CCDC178: variants seen among roughly 807,000 people sequenced by gnomAD.
CCDC178 encodes the protein coiled-coil domain containing 178, also known as coiled-coil domain-containing protein 178.
In CCDC178, 126 loss-of-function variants were observed where a neutral mutation model predicts 117.4. That is an observed-to-expected ratio of 1.07 (90% CI 0.93 to 1.24). The LOEUF (loss-of-function observed/expected upper bound fraction) is 1.24, where lower values mean the gene tolerates loss of function less well. Among genes scored for constraint, CCDC178 ranks in the 50% most tolerant of loss-of-function variants. The pLI is 0.00. For synonymous variants in CCDC178, 283 were observed against 313.4 expected (o/e 0.90, Z 1.02); for missense variants, 1,030 against 986.9 (o/e 1.04, Z -0.59).
rs146926397 is a variant in CCDC178, at chr18:33,063,812, C to G, written c.2388+28949G>C. Among the ~76,000 whole-genome samples the G allele has an allele frequency of 1.2e-3, 184 of 152,306 alleles. 5 individuals carry two copies. The East Asian group carries it at 0.032, about 27-fold the overall frequency. ...TGGCATGCCTGGCCCACCACCACCA[C>G]CACTTGTGCCAGAGAACCAGCTTGC... is the stretch of plus-strand genomic sequence containing the variant. On this transcript the variant is annotated intron_variant, in intron 21 of 22. Transcript: ENST00000383096.
At position 33,194,338 on chromosome 18, in the gene CCDC178, C is replaced by G. The variant is rs529769027; in HGVS notation, c.2238+17558G>C. Among the ~76,000 whole-genome samples the G allele has an allele frequency of 4.6e-5, 7 of 152,180 alleles. No homozygotes were observed. In the East Asian group the frequency reaches 1.2e-3, roughly 25 times the overall value. ...ATAATGAAATAGGTAATCCTGGAGT[C>G]AGGATTAGAACTGAGAGCTATTCAA... On this transcript the variant is annotated intron_variant, in intron 20 of 22. Transcript: ENST00000383096.
chr18:33,403,186 G>C (rs532496289), intron 3 of CCDC178, among the ~76,000 whole-genome samples: 15 of 152,212 alleles, frequency 9.9e-5, no homozygotes, highest in African/African-American at 3.4e-4. Flanking sequence ...CAAGTCCTTG[G>C]ATGAGTGTTG....
intron 20 of CCDC178, among the ~76,000 whole-genome samples, chr18:33,135,639 CT>C (rs570433264): frequency 6.6e-6 from 1 of 152,122 alleles, no homozygotes; most frequent in Non-Finnish European, 1.5e-5. Context: ...TATATGGTAT[CT>C]TTTTTGCATG....
intron 4 of CCDC178, among the ~76,000 whole-genome samples, chr18:33,394,919 C>A (rs2063610286): frequency 8.6e-6 from 1 of 116,326 alleles, no homozygotes; most frequent in African/African-American, 3.2e-5. Flanking sequence ...CTGAAAATAA[C>A]TTTAAAAGCC....
chr18:33,256,272 A>G (rs2059678661), intron 14 of CCDC178, among the ~76,000 whole-genome samples: 1 of 151,418 alleles, frequency 6.6e-6, no homozygotes, highest in Non-Finnish European at 1.5e-5. Context: ...AATGATGTCT[A>G]TAGACTAAAA....
chr18:33,307,112 G>A (rs539574345), intron 11 of CCDC178, among the ~76,000 whole-genome samples: 1 of 152,298 alleles, frequency 6.6e-6, no homozygotes, highest in East Asian at 1.9e-4. Context: ...ATTGGTACCA[G>A]TAGAGTGGGG....
chr18:33,361,849 G>A (rs1025504193), intron 6 of CCDC178, among the ~76,000 whole-genome samples: 7 of 151,594 alleles, frequency 4.6e-5, no homozygotes, highest in Admixed American at 4.0e-4. Context: ...TACAACTGTT[G>A]GTGGGAAGGT....
chr18:33,289,342 G>A (rs1208022893), intron 12 of CCDC178, among the ~76,000 whole-genome samples: 1 of 152,070 alleles, frequency 6.6e-6, no homozygotes, highest in African/African-American at 2.4e-5. Flanking sequence ...TGGCTGGGCA[G>A]GGTGGCTCAT....
At chr18:33,138,104 G>A (rs1162667003) in intron 20 of CCDC178, among the ~76,000 whole-genome samples, 1 of 152,142 alleles carries the variant, frequency 6.6e-6, no homozygotes, top group Admixed American at 6.6e-5. Context: ...AGGTATAAAG[G>A]TATTGTCATT....
intron 2 of CCDC178, among the ~76,000 whole-genome samples, chr18:33,425,536 T>C (rs1480102801): frequency 6.6e-6 from 1 of 152,222 alleles, no homozygotes; most frequent in Non-Finnish European, 1.5e-5. Context: ...ATATAAAGCT[T>C]CAGCCACCAA....
chr18:33,111,441 A>T (rs2057781693), intron 20 of CCDC178, among the ~76,000 whole-genome samples: 1 of 151,702 alleles, frequency 6.6e-6, no homozygotes, highest in Admixed American at 6.6e-5. Flanking sequence ...AGGCTTTGTA[A>T]TATCAATTGA....
rs140351308 is a variant in CCDC178, at chr18:32,987,157, T to C, written c.2389-12476A>G. Among the ~76,000 whole-genome samples, 984 of 151,840 alleles carry C rather than the reference T, an allele frequency of 6.5e-3. 13 individuals are homozygous for C. The highest frequency in any genetic ancestry group is 0.022 in the African/African-American group (910 of 41,490). On this transcript the variant is annotated intron_variant, in intron 21 of 22. Coordinates refer to ENST00000383096, the MANE Select transcript of CCDC178 (RefSeq NM_001105528.4). ...TACTAGAAAGAGGTAAAAAATATAATTGATTACAATAACCATATATGGATT... is the reference window on the plus strand; with the variant it reads ...TACTAGAAAGAGGTAAAAAATATAACTGATTACAATAACCATATATGGATT...
At chr18:33,213,900 C>A (rs1338491835) in intron 19 of CCDC178, among the ~76,000 whole-genome samples, 1 of 152,090 alleles carries the variant, frequency 6.6e-6, no homozygotes, top group Middle Eastern at 3.2e-3. Flanking sequence ...CTTGAAGATA[C>A]ACTTTCCCAC....
At chr18:32,993,781 G>T (rs2055443893) in intron 21 of CCDC178, among the ~76,000 whole-genome samples, 1 of 152,144 alleles carries the variant, frequency 6.6e-6, no homozygotes, top group Admixed American at 6.6e-5. Context: ...CTGATTCAGG[G>T]TTAGGTGCAT....
Position 33,351,148 on chromosome 18 carries a change from A to G in CCDC178, c.372-2173T>C, listed in dbSNP as rs9954706. ...TCTAGGATAAATCTCACTGATCATGATGTGTGTGTGTGTGTGTGTGTGTGT... is the reference window on the plus strand; with the variant it reads ...TCTAGGATAAATCTCACTGATCATGGTGTGTGTGTGTGTGTGTGTGTGTGT... On this transcript the variant is annotated intron_variant, in intron 7 of 22. Transcript: ENST00000383096. Among the ~76,000 whole-genome samples the G allele has an allele frequency of 4.4e-4, 61 of 138,174 alleles. 1 individual carries two copies. The Middle Eastern group carries it at 0.015, about 34-fold the overall frequency. 90.6% of individuals were successfully genotyped at this position (138,174 alleles called of 152,430 possible).
intron 20 of CCDC178, among the ~76,000 whole-genome samples, chr18:33,126,997 A>ATATATATAT (rs1555647859): frequency 1.3e-4 from 19 of 141,184 alleles, no homozygotes; most frequent in African/African-American, 4.1e-4. Flanking sequence ...AAAAAAAAAA[A>ATATATATAT]ATATATATAT....
intron 21 of CCDC178, among the ~76,000 whole-genome samples, chr18:33,036,478 C>G (rs758099739): frequency 6.6e-6 from 1 of 151,718 alleles, no homozygotes; most frequent in Non-Finnish European, 1.5e-5. Flanking sequence ...GAATATGACA[C>G]AGGGAGAGAA....
chr18:33,185,594 T>C (rs2058781877), intron 20 of CCDC178, among the ~76,000 whole-genome samples: 1 of 151,690 alleles, frequency 6.6e-6, no homozygotes, highest in African/African-American at 2.4e-5. Context: ...AAAAATAAAG[T>C]CAAAAGTAGA....
intron 10 of CCDC178, among the ~76,000 whole-genome samples, chr18:33,326,747 G>T (rs1418446130): frequency 2.6e-5 from 4 of 151,758 alleles, no homozygotes; most frequent in Non-Finnish European, 5.9e-5. Context: ...TACCTTCTCG[G>T]TGGTTACAGA....
Sources: allele counts gnomAD v4.1 joint callset (sites outside exome capture counted in the v4.1 genomes callset), GRCh38; gene constraint gnomAD v4.1.1; transcripts MANE v1.5; gene names NCBI Gene and HGNC (gene_info 2026-07-23, HGNC 2026-07-21).